Variants in RBFOX1 observed in about 807,000 individuals in gnomAD.
The protein encoded by RBFOX1 is RNA binding fox-1 homolog 1.
A neutral mutation model predicts 57.7 loss-of-function variants in RBFOX1; 8 were observed. The observed-to-expected ratio is 0.14, with a 90% confidence interval of 0.08 to 0.25. The LOEUF is 0.25. RBFOX1 is among the 10% of genes least tolerant of loss of function. RBFOX1 has a pLI of 1.00. For synonymous variants in RBFOX1, 326 were observed against 222.4 expected, an observed-to-expected ratio of 1.47 and a Z score of -4.15; for missense variants, 611 against 548.5, an observed-to-expected ratio of 1.11 and a Z score of -1.14.
intron 11 of RBFOX1, among the ~76,000 whole-genome samples, chr16:7,642,132 G>A (rs1345442277): frequency 6.6e-6 from 1 of 152,080 alleles, no homozygotes; most frequent in Non-Finnish European, 1.5e-5. Context: ...CCAAAGAAGC[G>A]GGTTTGGATG....
At chr16:6,227,583 TC>T (rs2097427574) in intron 1 of RBFOX1, among the ~76,000 whole-genome samples, 1 of 151,332 alleles carries the variant, frequency 6.6e-6, no homozygotes, top group Non-Finnish European at 1.5e-5. Flanking sequence ...CACGCCCTTC[TC>T]CTTTCAGGCT....
chr16:5,956,656 A>ATTTATATATATATATATATATATT (rs2059645157), intron 4 of RBFOX1, among the ~76,000 whole-genome samples: 1 of 78,928 alleles, frequency 1.3e-5, no homozygotes, highest in Non-Finnish European at 2.6e-5. Flanking sequence ...ATATATATAT[A>ATTTATATATATATATATATATATT]TTTATATATA....
At chr16:7,435,302 G>C (rs573845844) in intron 4 of RBFOX1, among the ~76,000 whole-genome samples, 35 of 152,168 alleles carry the variant, frequency 2.3e-4, no homozygotes, top group African/African-American at 7.2e-4. Context: ...GAGTTTGTCT[G>C]ATGGTGAGAC....
intron 2 of RBFOX1, among the ~76,000 whole-genome samples, chr16:6,586,720 C>A (rs776680343): frequency 1.3e-5 from 2 of 152,118 alleles, no homozygotes; most frequent in African/African-American, 4.8e-5. Flanking sequence ...AGGAGCCTGA[C>A]GGCAAAGAGA....
chr16:6,976,026 C>A (rs1221012504), intron 3 of RBFOX1, among the ~76,000 whole-genome samples: 1 of 152,046 alleles, frequency 6.6e-6, no homozygotes, highest in African/African-American at 2.4e-5. Flanking sequence ...ATTTGAGAGG[C>A]TGAGGGAAGT....
intron 1 of RBFOX1, among the ~76,000 whole-genome samples, chr16:5,321,369 G>C (rs766918546): frequency 5.3e-5 from 8 of 151,808 alleles, no homozygotes; most frequent in African/African-American, 1.7e-4. Context: ...ACCCAGGCTG[G>C]AGTGCAGTGG....
At chr16:6,733,402 C>T (rs1363526158) in intron 3 of RBFOX1, among the ~76,000 whole-genome samples, 1 of 152,196 alleles carries the variant, frequency 6.6e-6, no homozygotes, top group Non-Finnish European at 1.5e-5. Flanking sequence ...AAGCCTGTGC[C>T]TGTCAGCTGA....
chr16:6,118,329 C>A (rs2096519756), intron 1 of RBFOX1, among the ~76,000 whole-genome samples: 1 of 152,120 alleles, frequency 6.6e-6, no homozygotes, highest in South Asian at 2.1e-4. Flanking sequence ...TACAAAATAC[C>A]TTACATTGGG....
At chr16:5,788,804 A>C (rs944919782) in intron 3 of RBFOX1, among the ~76,000 whole-genome samples, 2 of 151,942 alleles carry the variant, frequency 1.3e-5, no homozygotes, top group African/African-American at 4.8e-5. Flanking sequence ...ATGCTTTTCT[A>C]CCCACCTCCC....
At chr16:6,020,683 T>C (rs2095054459) in intron 1 of RBFOX1, among the ~76,000 whole-genome samples, 1 of 149,990 alleles carries the variant, frequency 6.7e-6, no homozygotes, top group South Asian at 2.1e-4. Flanking sequence ...CTTAGCCCTG[T>C]GTTGTTGTGC....
At chr16:5,784,104 C>T (rs890975870) in intron 3 of RBFOX1, among the ~76,000 whole-genome samples, 3 of 152,214 alleles carry the variant, frequency 2.0e-5, no homozygotes, top group Admixed American at 2.0e-4. Flanking sequence ...CCTCAGGAAA[C>T]CTACACTCAC....
chr16:7,557,619 C>CAA (rs1170051114), intron 5 of RBFOX1, among the ~76,000 whole-genome samples: 432 of 40,456 alleles, frequency 0.011, 32 homozygotes, highest in African/African-American at 0.018. Flanking sequence ...GACTCTGTCT[C>CAA]AAAAAAAAAA....
chr16:7,296,079 C>G (rs2095881794), intron 4 of RBFOX1, among the ~76,000 whole-genome samples: 1 of 151,830 alleles, frequency 6.6e-6, no homozygotes, highest in Non-Finnish European at 1.5e-5. Flanking sequence ...CTGAGAAGCA[C>G]TTTACATTCA....
At chr16:5,258,644 G>A (rs1225180942) in intron 1 of RBFOX1, among the ~76,000 whole-genome samples, 3 of 152,114 alleles carry the variant, frequency 2.0e-5, no homozygotes, top group Non-Finnish European at 2.9e-5. Flanking sequence ...CAGGCTAGGC[G>A]TGGTGGCTCA....
intron 2 of RBFOX1, among the ~76,000 whole-genome samples, chr16:6,422,487 C>T (rs150194751): frequency 1.3e-5 from 2 of 152,132 alleles, no homozygotes; most frequent in South Asian, 2.1e-4. Flanking sequence ...TCTCACACTG[C>T]TATAAAGAAA....
chr16:7,169,996 C>T (rs1178262708), intron 4 of RBFOX1, among the ~76,000 whole-genome samples: 2 of 152,094 alleles, frequency 1.3e-5, no homozygotes, highest in African/African-American at 4.8e-5. Context: ...TCACTTGAGC[C>T]TGGGGAGGCA....
At chr16:6,781,156 G>T (rs554240624) in intron 3 of RBFOX1, among the ~76,000 whole-genome samples, 10 of 152,126 alleles carry the variant, frequency 6.6e-5, no homozygotes, top group African/African-American at 2.4e-4. Flanking sequence ...AATCCGTTTT[G>T]ATTTGATTTT....
At chr16:6,871,635 G>A (rs1040869317) in intron 3 of RBFOX1, among the ~76,000 whole-genome samples, 4 of 151,854 alleles carry the variant, frequency 2.6e-5, no homozygotes, top group African/African-American at 9.7e-5. Context: ...CTTCCCTCCT[G>A]CCTGGAGTGC....
chr16:6,644,654 C>G lies in RBFOX1; in HGVS notation c.-63-9949C>G, dbSNP rs117553025. Among the ~76,000 whole-genome samples, 889 of 152,278 alleles carry G rather than the reference C, an allele frequency of 5.8e-3. 4 individuals carry two copies. The highest frequency in any genetic ancestry group is 0.024 in the South Asian group (114 of 4,828). Reference sequence around the variant, plus strand: ...GCTTCTCATGACAAGTCTAAGCATCCTGGTCTTTTCTTTCCATTGCTCTTC... The same window carrying G: ...GCTTCTCATGACAAGTCTAAGCATCGTGGTCTTTTCTTTCCATTGCTCTTC... On this transcript the variant is annotated intron_variant, in intron 2 of 15. Coordinates refer to ENST00000550418, the MANE Select transcript of RBFOX1 (RefSeq NM_018723.4).
Sources: allele counts gnomAD v4.1 joint callset (sites outside exome capture counted in the v4.1 genomes callset), GRCh38; gene constraint gnomAD v4.1.1; transcripts MANE v1.5; gene names NCBI Gene and HGNC (gene_info 2026-07-23, HGNC 2026-07-21).